The following FREM1 variants were observed in gnomAD, a reference collection of about 807,000 sequenced individuals.
FREM1 encodes FRAS1 related extracellular matrix 1.
FREM1 carries 220 observed loss-of-function variants against 210.1 expected under a neutral mutation model. The observed-to-expected ratio is 1.05, with a 90% CI of 0.94 to 1.17. The LOEUF is 1.17. Ranked by LOEUF, FREM1 falls within the 50% of genes most tolerant of loss-of-function variation. The pLI is 0.00. For synonymous variants in FREM1, 1,189 were observed against 980.2 expected, an observed-to-expected ratio of 1.21 and a Z score of -3.98; for missense variants, 3,454 against 2,675.5, an observed-to-expected ratio of 1.29 and a Z score of -6.42.
chr9:14,770,484 C>G (rs1847337831), intron 26 of FREM1, 121 bp downstream of exon 26: 1 of 679,782 alleles, frequency 1.5e-6, no homozygotes, highest in Non-Finnish European at 2.5e-6. Context: ...TAAACTGCAT[C>G]TATCAGTAAG....
chr9:14,800,069 TA>T (rs886270934), intron 20 of FREM1, among the ~76,000 whole-genome samples: 1 of 151,814 alleles, frequency 6.6e-6, no homozygotes, highest in Non-Finnish European at 1.5e-5. Flanking sequence ...ATGCATTTTT[TA>T]AATTTAAACC....
Position 14,857,520 on chromosome 9 carries a change from C to G in FREM1, c.828+33G>C, listed in dbSNP as rs950738. 0.052 allele frequency: 80,561 copies of G among 1,558,134 alleles called. 3,044 individuals are homozygous for G. Among genetic ancestry groups the G allele is most frequent in the African/African-American group, 0.15 (11,050 of 73,710 alleles). Reference sequence around the variant, plus strand: ...GTAACTGGCTCTCTTACTGTGAATCCTGGGGGCACCCACACATAACCCCAA... The same window carrying G: ...GTAACTGGCTCTCTTACTGTGAATCGTGGGGGCACCCACACATAACCCCAA... On this transcript the variant is annotated intron_variant, in intron 5 of 36. Transcript: ENST00000380880.
intron 3 of FREM1, 149 bp downstream of exon 3, chr9:14,863,660 T>C: frequency 3.5e-6 from 2 of 573,484 alleles, no homozygotes; most frequent in Non-Finnish European, 6.3e-6. Context: ...TCTTGCCTGA[T>C]CCACTCAGGC....
chr9:14,749,983 G>A (rs1843067624), intron 30 of FREM1, 144 bp downstream of exon 30: 2 of 785,036 alleles, frequency 2.5e-6, no homozygotes, highest in East Asian at 5.1e-5. Context: ...CAGAATAAAG[G>A]GCCTACATCA....
intron 1 of FREM1, among the ~76,000 whole-genome samples, chr9:14,901,366 A>C (rs898831382): frequency 1.3e-5 from 2 of 152,188 alleles, no homozygotes; most frequent in African/African-American, 4.8e-5. Flanking sequence ...TGTGTCAATT[A>C]CTTCTGTTAA....
chr9:14,870,158 A>C (rs144181617), intron 1 of FREM1, among the ~76,000 whole-genome samples: 17 of 152,328 alleles, frequency 1.1e-4, no homozygotes, highest in African/African-American at 3.4e-4. Flanking sequence ...AATTTCAATA[A>C]ATTTCTGTGC....
At chr9:14,769,681 T>C (rs749540703) in intron 27 of FREM1, 43 bp downstream of exon 27, 1 of 1,588,816 alleles carries the variant, frequency 6.3e-7, no homozygotes, top group Non-Finnish European at 8.6e-7. Flanking sequence ...AGATACATTA[T>C]GGATGTAACA....
chr9:14,852,372 C>T (rs1457036579), intron 5 of FREM1, among the ~76,000 whole-genome samples: 1 of 152,102 alleles, frequency 6.6e-6, no homozygotes, highest in East Asian at 1.9e-4. Context: ...TCTAAGATCT[C>T]AACAAGTGCT....
At chr9:14,743,381 G>C (rs2131926239) in intron 35 of FREM1, among the ~76,000 whole-genome samples, 1 of 152,136 alleles carries the variant, frequency 6.6e-6, no homozygotes, top group Non-Finnish European at 1.5e-5. Context: ...ATGTAGGTTT[G>C]TCAACATGAG....
At chr9:14,792,963 C>T in intron 21 of FREM1, 79 bp from the exon 22 acceptor site, 1 of 847,434 alleles carries the variant, frequency 1.2e-6, no homozygotes, top group Admixed American at 2.9e-5. Context: ...TTGACTATCA[C>T]AGTTCCCAAT....
At chr9:14,801,330 C>T (rs1020297626) in intron 20 of FREM1, among the ~76,000 whole-genome samples, 1 of 152,192 alleles carries the variant, frequency 6.6e-6, no homozygotes, top group Non-Finnish European at 1.5e-5. Flanking sequence ...AGCTAATTAA[C>T]ATATGCATTA....
intron 1 of FREM1, among the ~76,000 whole-genome samples, chr9:14,884,956 G>C (rs1004487876): frequency 9.5e-6 from 1 of 105,248 alleles, no homozygotes; most frequent in Admixed American, 1.5e-4. Flanking sequence ...ACGGAGTCTC[G>C]CTCTGTCGCC....
At chr9:14,801,428 G>A (rs1163659250) in intron 20 of FREM1, among the ~76,000 whole-genome samples, 1 of 152,094 alleles carries the variant, frequency 6.6e-6, no homozygotes, top group African/African-American at 2.4e-5. Flanking sequence ...TGTTAACTAT[G>A]GTAATTATGC....
chr9:14,819,450 G>A lies in FREM1; in HGVS notation c.2338-8C>T. Reference sequence around the variant, plus strand: ...CAGAGGGTTGGTGAACGCCTAGAAAGAAGAAAGGAAGGAAACATTCAAAGC... The same window carrying A: ...CAGAGGGTTGGTGAACGCCTAGAAAAAAGAAAGGAAGGAAACATTCAAAGC... On this transcript the variant is annotated splice_region_variant and splice_polypyrimidine_tract_variant and intron_variant, in intron 13 of 36. Transcript: ENST00000380880. 1 of 1,582,972 alleles carries A rather than the reference G, an allele frequency of 6.3e-7. No individual in the cohort carries two copies. Among genetic ancestry groups the A allele is most frequent in the South Asian group, 1.1e-5 (1 of 89,498 alleles).
intron 18 of FREM1, among the ~76,000 whole-genome samples, chr9:14,805,883 G>A (rs955568851): frequency 1.3e-5 from 2 of 152,178 alleles, no homozygotes; most frequent in African/African-American, 2.4e-5. Flanking sequence ...TCTGGGACAC[G>A]TTTTGGCTTT....
At chr9:14,866,427 C>T (rs917082429) in intron 2 of FREM1, among the ~76,000 whole-genome samples, 2 of 152,130 alleles carry the variant, frequency 1.3e-5, no homozygotes, top group Admixed American at 6.5e-5. Context: ...CTGCCATATA[C>T]GGTAAGGAGT....
chr9:14,825,380 C>T (rs1041905106), intron 10 of FREM1, among the ~76,000 whole-genome samples: 2 of 149,386 alleles, frequency 1.3e-5, no homozygotes, highest in African/African-American at 2.5e-5. Context: ...CCCAGCTACT[C>T]GGCAGGCTGA....
At chr9:14,750,406 A>G in intron 29 of FREM1, 130 bp from the exon 30 acceptor site, 1 of 630,686 alleles carries the variant, frequency 1.6e-6, no homozygotes, top group East Asian at 3.0e-5. Flanking sequence ...ACTGCTACCA[A>G]CTCACTGAAG....
Position 14,775,839 on chromosome 9 carries a change from AG to A in FREM1, c.4806del (p.Phe1603LeufsTer3). 1 of 1,613,898 alleles carries A rather than the reference AG, an allele frequency of 6.2e-7. No individual in the cohort carries two copies. Among genetic ancestry groups the A allele is most frequent in the East Asian group, 2.2e-5 (1 of 44,886 alleles). On this transcript the variant is annotated frameshift_variant, in exon 25 of 37. Coordinates refer to ENST00000380880, the MANE Select transcript of FREM1 (RefSeq NM_001379081.2). LOFTEE classifies it high-confidence loss of function. The part of the protein sequence containing the change: ...TFMATDGTNQ[G>X]FIVNGRVWEE... ...TCCCACACTCTCCCATTCACAATAA[AG>A]CCTTGGTTTGTCCCATCTGTGGCCA...
Sources: gnomAD v4.1 joint callset for allele counts (sites outside exome capture counted in the v4.1 genomes callset) on GRCh38, gnomAD v4.1.1 for gene constraint, MANE v1.5 for transcripts, NCBI Gene and HGNC (gene_info 2026-07-23, HGNC 2026-07-21) for gene names.